TTC7A: variants seen among roughly 807,000 people sequenced by gnomAD.
The protein encoded by TTC7A is tetratricopeptide repeat protein 7A.
In TTC7A, 110 loss-of-function variants were observed where a neutral mutation model predicts 103.7. That is an observed-to-expected ratio of 1.06 (90% CI 0.91 to 1.24). The LOEUF (loss-of-function observed/expected upper bound fraction) is 1.24. TTC7A is among the 50% of genes most tolerant of loss of function. TTC7A has a pLI of 0.00. For missense variants in TTC7A, 1,340 were observed against 1,116.3 expected, an observed-to-expected ratio of 1.20 and a Z score of -2.86; for synonymous variants, 521 against 467.9, an observed-to-expected ratio of 1.11 and a Z score of -1.47.
chr2:46,958,743 C>T (rs1672121114), intron 3 of TTC7A, among the ~76,000 whole-genome samples: 1 of 152,210 alleles, frequency 6.6e-6, no homozygotes, highest in African/African-American at 2.4e-5. Flanking sequence ...TGCTTGAGAC[C>T]ATGCACGTGG....
intron 18 of TTC7A, among the ~76,000 whole-genome samples, chr2:47,059,973 A>G (rs1164169976): frequency 1.3e-5 from 2 of 152,070 alleles, no homozygotes; most frequent in South Asian, 2.1e-4. Flanking sequence ...CCTGGGCAAC[A>G]TGGCGAAACC....
At chr2:47,002,728 T>C (rs1320147600) in intron 8 of TTC7A, among the ~76,000 whole-genome samples, 2 of 152,204 alleles carry the variant, frequency 1.3e-5, no homozygotes, top group Non-Finnish European at 2.9e-5. Flanking sequence ...ATGCCTGCCT[T>C]TTCTCTGTCC....
At chr2:46,979,036 A>G in intron 5 of TTC7A, 129 bp downstream of exon 5, 1 of 636,564 alleles carries the variant, frequency 1.6e-6, no homozygotes, top group Admixed American at 2.7e-5. Flanking sequence ...ATTGGTGGGA[A>G]CTGGCTTGTG....
intron 18 of TTC7A, among the ~76,000 whole-genome samples, chr2:47,053,543 T>TTTGGTTGGTTGG (rs35563040): frequency 0.011 from 1,502 of 140,210 alleles, 13 homozygotes; most frequent in East Asian, 0.033. Context: ...TGTTTGTTTG[T>TTTGGTTGGTTGG]TTGGTTGGTT....
chr2:47,004,869 C>T (rs1253655569), intron 8 of TTC7A, among the ~76,000 whole-genome samples: 1 of 152,088 alleles, frequency 6.6e-6, no homozygotes, highest in African/African-American at 2.4e-5. Context: ...TCTCCCTTTC[C>T]ACCTTTTGCC....
At chr2:47,061,970 G>C (rs972837584) in intron 19 of TTC7A, among the ~76,000 whole-genome samples, 1 of 152,196 alleles carries the variant, frequency 6.6e-6, no homozygotes, top group African/African-American at 2.4e-5. Flanking sequence ...AGAGTGTTAA[G>C]GAGAACAGCC....
intron 14 of TTC7A, 90 bp downstream of exon 14, chr2:47,024,449 A>C (rs1679662979): frequency 2.5e-6 from 3 of 1,219,450 alleles, no homozygotes; most frequent in Non-Finnish European, 3.4e-6. Context: ...GACCCTCTGC[A>C]AGTGACTTTG....
chr2:47,037,476 C>T (rs537470223), intron 15 of TTC7A, among the ~76,000 whole-genome samples: 31 of 152,300 alleles, frequency 2.0e-4, no homozygotes, highest in African/African-American at 7.5e-4. Context: ...GTTTTTTGGT[C>T]TTTACAGCAC....
chr2:47,031,424 C>G (rs922162555), intron 15 of TTC7A, among the ~76,000 whole-genome samples: 1 of 152,202 alleles, frequency 6.6e-6, no homozygotes, highest in Non-Finnish European at 1.5e-5. Flanking sequence ...CCCACTACCG[C>G]TGGCCTGCGT....
intron 14 of TTC7A, among the ~76,000 whole-genome samples, chr2:47,025,644 C>G (rs941512663): frequency 6.6e-6 from 1 of 152,206 alleles, no homozygotes; most frequent in Non-Finnish European, 1.5e-5. Context: ...GGCATTCTGT[C>G]TCCCTCTCCA....
intron 5 of TTC7A, 126 bp from the exon 6 acceptor site, chr2:46,993,324 A>C: frequency 1.2e-6 from 1 of 838,844 alleles, no homozygotes; most frequent in Non-Finnish European, 2.0e-6. Context: ...TTTTCACTCC[A>C]GTTATCGAAT....
intron 11 of TTC7A, among the ~76,000 whole-genome samples, chr2:47,015,166 A>T (rs1052049113): frequency 1.3e-5 from 2 of 152,228 alleles, no homozygotes; most frequent in Admixed American, 1.3e-4. Context: ...AGAGGCCTGC[A>T]TGGCAGCCTT....
chr2:47,013,432 T>A (rs1246057654), intron 11 of TTC7A, among the ~76,000 whole-genome samples: 4 of 152,022 alleles, frequency 2.6e-5, no homozygotes, highest in Admixed American at 2.0e-4. Flanking sequence ...CGACCCCAAC[T>A]CAGGCCGCTG....
At chr2:47,051,190 G>T (rs1217053037) in intron 17 of TTC7A, among the ~76,000 whole-genome samples, 2 of 152,172 alleles carry the variant, frequency 1.3e-5, no homozygotes, top group Non-Finnish European at 2.9e-5. Context: ...GGGAAGAAAA[G>T]AAAAATCATT....
At position 46,995,052 on chromosome 2, in the gene TTC7A, G is replaced by A. The variant is rs1019464379; in HGVS notation, c.1002-84G>A. On this transcript the variant is annotated intron_variant, in intron 7 of 19. Transcript: ENST00000319190. The stretch of plus-strand genomic sequence containing the variant: ...ACCTTACCGAGCTGGTGCTGACTCT[G>A]GGGCAGAAGGCTGGCATGGTGGGTC... The A allele has an allele frequency of 3.7e-6, 5 of 1,337,254 alleles. No homozygotes were observed. In the Admixed American group the frequency reaches 9.1e-5, roughly 24 times the overall value. 82.8% of individuals were successfully genotyped at this position (1,337,254 alleles called of 1,614,324 possible).
At chr2:47,070,069 T>C (rs372022923) in intron 19 of TTC7A, among the ~76,000 whole-genome samples, 2 of 146,470 alleles carry the variant, frequency 1.4e-5, no homozygotes, top group South Asian at 4.4e-4. Context: ...CAGGCCCCCC[T>C]CAAAGGAAGA....
chr2:46,974,839 C>G, intron 3 of TTC7A, 134 bp from the exon 4 acceptor site: 1 of 1,285,462 alleles, frequency 7.8e-7, no homozygotes, highest in Non-Finnish European at 1.1e-6. Flanking sequence ...CCCTCCCCTC[C>G]GCAGACCTCC....
At chr2:47,020,877 C>T (rs765362881) in intron 11 of TTC7A, among the ~76,000 whole-genome samples, 3 of 152,186 alleles carry the variant, frequency 2.0e-5, no homozygotes, top group Non-Finnish European at 4.4e-5. Context: ...GGATGGGGGC[C>T]GGGCAGGGGC....
At chr2:46,965,760 G>A (rs1262709018) in intron 3 of TTC7A, among the ~76,000 whole-genome samples, 2 of 150,902 alleles carry the variant, frequency 1.3e-5, no homozygotes, top group East Asian at 2.0e-4. Flanking sequence ...ATGGGGTTTC[G>A]CAATGTTAGC....
Sources: allele counts gnomAD v4.1 joint callset (sites outside exome capture counted in the v4.1 genomes callset), GRCh38; gene constraint gnomAD v4.1.1; transcripts MANE v1.5; gene names NCBI Gene and HGNC (gene_info 2026-07-23, HGNC 2026-07-21).